The following DPP10 variants were observed in gnomAD, a reference collection of about 807,000 sequenced individuals.
DPP10 encodes the protein inactive dipeptidyl peptidase 10.
In DPP10, 33 loss-of-function variants were observed where a neutral mutation model predicts 120.9. The ratio of observed to expected loss-of-function variants is 0.27; its 90% CI spans 0.21 to 0.37. The LOEUF is 0.37. DPP10 is among the 10% of genes least tolerant of loss of function. The pLI is 1.00. For missense variants in DPP10, 816 were observed against 942.8 expected, an observed-to-expected ratio of 0.87 and a Z score of 1.76; for synonymous variants, 337 against 326.1, an observed-to-expected ratio of 1.03 and a Z score of -0.36.
At chr2:114,968,399 A>G (rs1699179642) in intron 1 of DPP10, among the ~76,000 whole-genome samples, 1 of 152,156 alleles carries the variant, frequency 6.6e-6, no homozygotes, top group African/African-American at 2.4e-5. Flanking sequence ...TTATATTATT[A>G]ATTTTTACAT....
intron 3 of DPP10, among the ~76,000 whole-genome samples, chr2:115,406,849 AAC>A (rs1339807731): frequency 9.2e-5 from 14 of 152,208 alleles, no homozygotes; most frequent in Non-Finnish European, 1.9e-4. Flanking sequence ...TTGTGATTTC[AAC>A]ACCCTTTTCT....
At chr2:115,054,126 T>A (rs10171557) in intron 1 of DPP10, among the ~76,000 whole-genome samples, 3 of 152,146 alleles carry the variant, frequency 2.0e-5, no homozygotes, top group African/African-American at 7.2e-5. Flanking sequence ...TTGATAAATA[T>A]GATATTATAC....
At chr2:114,731,915 G>A (rs72957603) in intron 1 of DPP10, among the ~76,000 whole-genome samples, 1,921 of 152,214 alleles carry the variant, frequency 0.013, 49 homozygotes, top group African/African-American at 0.044. Context: ...ATTCCATGTG[G>A]AGTATGGGAC....
chr2:115,845,694 T>A lies in DPP10; in HGVS notation c.*3349T>A, dbSNP rs1690562142. 6.6e-6 allele frequency: 1 copy of A among 152,212 alleles called. No individual in the cohort carries two copies. Among genetic ancestry groups the A allele is most frequent in the Non-Finnish European group, 1.5e-5 (1 of 68,038 alleles). 9.4% of individuals were successfully genotyped at this position (152,212 alleles called of 1,614,324 possible). Reference sequence around the variant, plus strand: ...TATTTTTCCCCTCCACAAGAAATTATCACTGTGAATATTACAGGAGGAGAA... The same window carrying A: ...TATTTTTCCCCTCCACAAGAAATTAACACTGTGAATATTACAGGAGGAGAA... On this transcript the variant is annotated 3_prime_UTR_variant, in exon 26 of 26. Transcript: ENST00000410059.
intron 1 of DPP10, among the ~76,000 whole-genome samples, chr2:115,060,353 G>C (rs1706305998): frequency 6.6e-6 from 1 of 152,094 alleles, no homozygotes; most frequent in Non-Finnish European, 1.5e-5. Flanking sequence ...AGCAATTTGG[G>C]CGGCCGAGGC....
chr2:115,594,006 A>G (rs923991685), intron 5 of DPP10, among the ~76,000 whole-genome samples: 6 of 152,166 alleles, frequency 3.9e-5, no homozygotes, highest in Middle Eastern at 3.2e-3. Flanking sequence ...TGAAGTCCTC[A>G]AAAAACTTGA....
intron 11 of DPP10, among the ~76,000 whole-genome samples, chr2:115,754,534 A>G (rs1273892229): frequency 2.0e-5 from 3 of 152,164 alleles, no homozygotes; most frequent in African/African-American, 7.2e-5. Context: ...GGGCTAGTCT[A>G]GACACCTTCT....
At chr2:114,843,680 G>A (rs934180599) in intron 1 of DPP10, among the ~76,000 whole-genome samples, 3 of 151,962 alleles carry the variant, frequency 2.0e-5, no homozygotes, top group African/African-American at 7.3e-5. Context: ...ATCTCAGTTT[G>A]TCTGGCTCTC....
intron 3 of DPP10, among the ~76,000 whole-genome samples, chr2:115,473,724 T>A (rs2074885868): frequency 6.6e-6 from 1 of 152,202 alleles, no homozygotes; most frequent in Non-Finnish European, 1.5e-5. Flanking sequence ...CTTAGAGTTT[T>A]AGGATTTTAT....
At chr2:115,299,612 A>G (rs2061036391) in intron 1 of DPP10, among the ~76,000 whole-genome samples, 1 of 152,064 alleles carries the variant, frequency 6.6e-6, no homozygotes, top group Non-Finnish European at 1.5e-5. Context: ...ATATAGACAT[A>G]TATAAGAAAT....
chr2:115,466,156 G>T lies in DPP10; in HGVS notation c.272-33354G>T, dbSNP rs185661754. The stretch of plus-strand genomic sequence containing the variant: ...CTACTCTATAAACTGATAGACCTTT[G>T]CTTTAGAAACTTATGTGGAAATACC... On this transcript the variant is annotated intron_variant, in intron 3 of 25. Transcript: ENST00000410059. 2.8e-3 allele frequency among the ~76,000 whole-genome samples: 430 copies of T among 151,864 alleles called. 2 individuals carry two copies. Among genetic ancestry groups the T allele is most frequent in the African/African-American group, 0.01 (422 of 41,216 alleles).
At chr2:115,817,677 TTG>T (rs1439113135) in intron 21 of DPP10, among the ~76,000 whole-genome samples, 4 of 106,684 alleles carry the variant, frequency 3.7e-5, no homozygotes, top group Admixed American at 2.3e-4. Flanking sequence ...GGTTAGTTTT[TTG>T]TTTTTTTTTT....
intron 5 of DPP10, among the ~76,000 whole-genome samples, chr2:115,592,640 C>T (rs915445071): frequency 1.3e-5 from 2 of 151,888 alleles, no homozygotes; most frequent in African/African-American, 4.8e-5. Flanking sequence ...CCTGTAGTCC[C>T]AGCTACTAGC....
chr2:115,317,541 A>G (rs990914135), intron 2 of DPP10, among the ~76,000 whole-genome samples: 7 of 151,728 alleles, frequency 4.6e-5, no homozygotes, highest in African/African-American at 1.7e-4. Context: ...CTGAAGAACT[A>G]TTTGCCACAG....
chr2:115,813,356 C>T (rs1367102749), intron 19 of DPP10, among the ~76,000 whole-genome samples: 1 of 152,162 alleles, frequency 6.6e-6, no homozygotes, highest in Non-Finnish European at 1.5e-5. Context: ...TTGCAGACGA[C>T]CGCCCTCTTT....
At chr2:114,477,657 C>T (rs1680538356) in intron 1 of DPP10, among the ~76,000 whole-genome samples, 1 of 147,446 alleles carries the variant, frequency 6.8e-6, no homozygotes, top group Non-Finnish European at 1.5e-5. Context: ...TGGTGGTGCG[C>T]ACCTGTAATC....
chr2:115,725,991 G>C (rs561857235), intron 7 of DPP10, among the ~76,000 whole-genome samples: 1 of 152,130 alleles, frequency 6.6e-6, no homozygotes, highest in African/African-American at 2.4e-5. Context: ...GAATCTGAGA[G>C]GTAATTCTCA....
chr2:115,654,531 T>C (rs545039122), intron 5 of DPP10, among the ~76,000 whole-genome samples: 1 of 151,890 alleles, frequency 6.6e-6, no homozygotes, highest in South Asian at 2.1e-4. Flanking sequence ...CAAATTGGCA[T>C]TGTGATTGCC....
intron 3 of DPP10, among the ~76,000 whole-genome samples, chr2:115,390,593 A>G (rs923368729): frequency 6.6e-6 from 1 of 152,042 alleles, no homozygotes; most frequent in African/African-American, 2.4e-5. Flanking sequence ...TCAGCATACC[A>G]ATTTTCCCTT....
Sources: allele counts gnomAD v4.1 joint callset (sites outside exome capture counted in the v4.1 genomes callset), GRCh38; gene constraint gnomAD v4.1.1; transcripts MANE v1.5; gene names NCBI Gene and HGNC (gene_info 2026-07-23, HGNC 2026-07-21).